Variants in WDPCP observed in about 807,000 individuals in gnomAD.
WDPCP encodes WD repeat containing planar cell polarity effector, also known as WD repeat-containing and planar cell polarity effector protein fritz homolog.
WDPCP carries 71 observed loss-of-function variants against 93.1 expected under a neutral mutation model. The ratio of observed to expected loss-of-function variants is 0.76; its 90% confidence interval spans 0.63 to 0.93. The LOEUF is 0.93. Ranked by LOEUF, WDPCP falls within the 40% of genes least tolerant of loss-of-function variation. WDPCP has a pLI of 0.00. For synonymous variants in WDPCP, 315 were observed against 315.0 expected, an observed-to-expected ratio of 1.00 and a Z score of 0.00; for missense variants, 844 against 887.4, an observed-to-expected ratio of 0.95 and a Z score of 0.62.
intron 12 of WDPCP, among the ~76,000 whole-genome samples, chr2:63,317,751 T>C (rs907449251): frequency 4.6e-5 from 7 of 152,090 alleles, no homozygotes; most frequent in Non-Finnish European, 8.8e-5. Flanking sequence ...TTTCACTGTA[T>C]ACAAAAATCG....
chr2:63,465,188 G>T (rs1281760604), intron 6 of WDPCP, among the ~76,000 whole-genome samples: 1 of 151,908 alleles, frequency 6.6e-6, no homozygotes, highest in African/African-American at 2.4e-5. Flanking sequence ...GCCAGACACT[G>T]TGCTAAGTAT....
intron 14 of WDPCP, among the ~76,000 whole-genome samples, chr2:63,233,947 G>C (rs1679152548): frequency 6.6e-6 from 1 of 152,134 alleles, no homozygotes; most frequent in Admixed American, 6.6e-5. Flanking sequence ...TCCATTTGTA[G>C]ATTCAGCATA....
intron 2 of WDPCP, among the ~76,000 whole-genome samples, chr2:63,755,269 G>A (rs1398012091): frequency 6.6e-6 from 1 of 152,212 alleles, no homozygotes; most frequent in African/African-American, 2.4e-5. Context: ...ATCACTGACA[G>A]CCATCTCAGA....
chr2:63,695,952 AC>A (rs898627826), intron 2 of WDPCP, among the ~76,000 whole-genome samples: 1 of 151,912 alleles, frequency 6.6e-6, no homozygotes, highest in Admixed American at 6.6e-5. Context: ...AGAAACAAAG[AC>A]CCCCTGGCAC....
At chr2:63,187,279 A>T (rs1277609893) in intron 14 of WDPCP, among the ~76,000 whole-genome samples, 1 of 152,196 alleles carries the variant, frequency 6.6e-6, no homozygotes, top group African/African-American at 2.4e-5. Context: ...TCTATGCAGC[A>T]TATCACTGGA....
At chr2:63,447,219 A>T (rs1353283557) in intron 6 of WDPCP, among the ~76,000 whole-genome samples, 1 of 152,184 alleles carries the variant, frequency 6.6e-6, no homozygotes, top group Admixed American at 6.6e-5. Flanking sequence ...GAAATTGTAG[A>T]AACACAAGAA....
chr2:63,589,175 G>C, upstream of WDPCP: 1 of 1,609,378 alleles, frequency 6.2e-7, no homozygotes, highest in Non-Finnish European at 8.5e-7. Context: ...GGCAAGCTCG[G>C]ACTCATCTTC....
At chr2:63,359,044 C>A (rs868428606) in intron 12 of WDPCP, among the ~76,000 whole-genome samples, 1 of 152,132 alleles carries the variant, frequency 6.6e-6, no homozygotes, top group Admixed American at 6.5e-5. Context: ...TCTCTTCTCC[C>A]TGTCCTTGCA....
Position 63,174,680 on chromosome 2 carries a change from A to G in WDPCP, c.2068T>C (p.Ser690Pro), listed in dbSNP as rs766136478. 49 of 1,613,804 alleles carry G rather than the reference A, an allele frequency of 3.0e-5. No homozygotes were observed. The South Asian group carries it at 3.2e-4, about 10-fold the overall frequency. Residue 690 changes from serine to proline, a missense_variant, in exon 15 of 18, where the codon TCT (serine) becomes CCT (proline). Transcript: ENST00000272321. Reference protein sequence around the residue: ...HILQQRILNGSSNRQIIDRRN... With the variant: ...HILQQRILNGPSNRQIIDRRN... Reference sequence around the variant, plus strand: ...TTCAACATTTCTTACCTGTTAGAAGAGCCATTCAGTATTCTTTGTTGTAAA... The same window carrying G: ...TTCAACATTTCTTACCTGTTAGAAGGGCCATTCAGTATTCTTTGTTGTAAA...
At chr2:63,201,267 T>C in intron 14 of WDPCP, among the ~76,000 whole-genome samples, 1 of 152,180 alleles carries the variant, frequency 6.6e-6, no homozygotes, top group Non-Finnish European at 1.5e-5. Flanking sequence ...TCCCCAGCCA[T>C]GCTTCCTGTA....
At chr2:63,545,989 C>T (rs1705124658) in intron 1 of WDPCP, among the ~76,000 whole-genome samples, 1 of 151,932 alleles carries the variant, frequency 6.6e-6, no homozygotes, top group African/African-American at 2.4e-5. Flanking sequence ...TCCTAGAGAC[C>T]AACTGTAACA....
At chr2:63,123,703 T>A (rs1391032455) in intron 17 of WDPCP, among the ~76,000 whole-genome samples, 1 of 152,032 alleles carries the variant, frequency 6.6e-6, no homozygotes, top group African/African-American at 2.4e-5. Context: ...TTTTAAACAT[T>A]ATTTGAAGTA....
Position 63,433,328 on chromosome 2 carries a change from A to AG in WDPCP, c.825+416_825+417insC, listed in dbSNP as rs1696900293. The stretch of plus-strand genomic sequence containing the variant: ...CTTTCACAGGCATGATATCATGAGT[A>AG]AACAGTAATAATAGAACTAATAATG... On this transcript the variant is annotated intron_variant, in intron 9 of 17. Transcript: ENST00000272321. Among the ~76,000 whole-genome samples, 3 of 152,258 alleles carry AG rather than the reference A, an allele frequency of 2.0e-5. No individual in the cohort carries two copies. In the South Asian group the frequency reaches 6.2e-4, roughly 32 times the overall value.
At chr2:63,174,072 G>A (rs1267890498) in intron 15 of WDPCP, among the ~76,000 whole-genome samples, 1 of 152,108 alleles carries the variant, frequency 6.6e-6, no homozygotes, top group African/African-American at 2.4e-5. Context: ...TGTCTGGGCT[G>A]CAAAGCCTAA....
chr2:63,217,500 G>A (rs1206568724), intron 14 of WDPCP, among the ~76,000 whole-genome samples: 2 of 152,192 alleles, frequency 1.3e-5, no homozygotes, highest in Non-Finnish European at 2.9e-5. Context: ...TTCTAACAGA[G>A]TGATCAAAGA....
chr2:63,199,618 A>T (rs62177762), intron 14 of WDPCP, among the ~76,000 whole-genome samples: 1 of 152,124 alleles, frequency 6.6e-6, no homozygotes, highest in South Asian at 2.1e-4. Flanking sequence ...TGGGAACGTC[A>T]GCCTACATTT....
intron 11 of WDPCP, among the ~76,000 whole-genome samples, chr2:63,380,608 A>C (rs1321831107): frequency 6.6e-6 from 1 of 152,138 alleles, no homozygotes; most frequent in Non-Finnish European, 1.5e-5. Flanking sequence ...CTGTAATCCC[A>C]GCTACTCAGG....
At chr2:63,752,366 G>A (rs1324336547) in intron 2 of WDPCP, 9 of 771,862 alleles carry the variant, frequency 1.2e-5, no homozygotes, top group Admixed American at 3.4e-5. Flanking sequence ...ACCTTCTCTT[G>A]AGATAGCCCT....
intron 12 of WDPCP, among the ~76,000 whole-genome samples, chr2:63,344,529 C>T (rs1311313914): frequency 1.3e-5 from 2 of 152,174 alleles, no homozygotes; most frequent in Non-Finnish European, 2.9e-5. Flanking sequence ...ACACAATTCA[C>T]TAACATATGC....
Sources: allele counts gnomAD v4.1 joint callset (sites outside exome capture counted in the v4.1 genomes callset), GRCh38; gene constraint gnomAD v4.1.1; transcripts MANE v1.5; gene names NCBI Gene and HGNC (gene_info 2026-07-23, HGNC 2026-07-21).